TSGA10: variants seen among roughly 807,000 people sequenced by gnomAD.
The protein encoded by TSGA10 is testis specific 10, also known as testis-specific gene 10 protein.
Under a neutral mutation model 96.6 loss-of-function variants are expected in TSGA10, and 43 were observed. That is an observed-to-expected ratio of 0.44 (90% CI 0.35 to 0.57). The LOEUF (loss-of-function observed/expected upper bound fraction) is 0.57, where lower values mean the gene tolerates loss of function less well. Among genes scored for constraint, TSGA10 ranks in the 20% least tolerant of loss-of-function variants. The probability of loss-of-function intolerance (pLI) is 0.01; values close to 1 mark genes in which losing one functional copy is unlikely to be tolerated. For missense variants in TSGA10, 703 were observed against 834.4 expected (o/e 0.84, Z 1.94); for synonymous variants, 229 against 269.9 (o/e 0.85, Z 1.48).
intron 20 of TSGA10, among the ~76,000 whole-genome samples, chr2:99,009,016 T>A (rs1198037213): frequency 6.6e-6 from 1 of 152,144 alleles, no homozygotes. Flanking sequence ...GCATGGCTGA[T>A]GGGATGGAAG....
chr2:99,150,674 A>G (rs975513236), intron 1 of TSGA10: 12 of 1,613,990 alleles, frequency 7.4e-6, no homozygotes, highest in Non-Finnish European at 1.0e-5. Flanking sequence ...CCAGCGACTC[A>G]GTTATTTCAA....
intron 17 of TSGA10, among the ~76,000 whole-genome samples, chr2:99,020,842 T>C (rs1026010019): frequency 2.6e-5 from 4 of 151,854 alleles, no homozygotes; most frequent in African/African-American, 9.7e-5. Flanking sequence ...TACATGCTTA[T>C]AGAATGTCAT....
Position 99,104,123 on chromosome 2 carries a change from A to C in TSGA10, c.460-5T>G. On this transcript the variant is annotated splice_region_variant and splice_polypyrimidine_tract_variant and intron_variant, in intron 9 of 20. Transcript: ENST00000393483. ...CTCCATACGTTCATCATCAAGCTAT[A>C]CAAGTAGAATGACAAGGTTACTGCC... 1.2e-6 allele frequency: 2 copies of C among 1,613,152 alleles called. No homozygotes were observed. The highest frequency in any genetic ancestry group is 8.5e-7 in the Non-Finnish European group (1 of 1,179,720).
In TSGA10 at chr2:99,078,688, C is replaced by T. The variant is rs762300639; in HGVS notation, c.853G>A (p.Ala285Thr). 5 of 1,613,444 alleles carry T rather than the reference C, an allele frequency of 3.1e-6. No individual in the cohort carries two copies. The African/African-American group carries it at 6.7e-5, about 22-fold the overall frequency. The part of the protein sequence containing the change: ...ACLDKKSENI[A>T]SLGESLAMKE... ...ATTGCCAAACTCTCTCCAAGGGATG[C>T]AATATTCTCAGATTTTTTATCCAAA... The change falls in exon 12 of 21, where the codon GCA becomes ACA. Residue 285 changes from alanine (A) to threonine (T), a missense_variant. Ala to Thr is a moderately conservative substitution (Grantham distance 58). Coordinates refer to ENST00000393483, the MANE Select transcript of TSGA10 (RefSeq NM_025244.4).
intron 12 of TSGA10, among the ~76,000 whole-genome samples, chr2:99,076,586 T>C (rs1285028770): frequency 6.6e-6 from 1 of 151,972 alleles, no homozygotes; most frequent in Non-Finnish European, 1.5e-5. Context: ...TATATACATA[T>C]ATACACACAC....
intron 9 of TSGA10, 114 bp from the exon 10 acceptor site, chr2:99,104,232 A>G (rs1007022072): frequency 2.4e-6 from 3 of 1,253,922 alleles, no homozygotes; most frequent in Non-Finnish European, 3.3e-6. Flanking sequence ...ACAGGATGAG[A>G]TTATCAGGTT....
At chr2:99,073,250 C>A (rs2086195178) in intron 12 of TSGA10, among the ~76,000 whole-genome samples, 177 bp from the exon 13 acceptor site, 1 of 152,118 alleles carries the variant, frequency 6.6e-6, no homozygotes, top group Non-Finnish European at 1.5e-5. Context: ...AATATTTGCA[C>A]TGGGTAAAAA....
intron 1 of TSGA10, chr2:99,141,321 G>A: frequency 3.1e-6 from 1 of 324,264 alleles, no homozygotes; most frequent in Non-Finnish European, 5.5e-6. Flanking sequence ...GTGCCGCCGT[G>A]GCCCCGCCCT....
At position 99,119,853 on chromosome 2, in the gene TSGA10, C is replaced by T. The variant is rs535680133; in HGVS notation, c.-491-1167G>A. 3.9e-5 allele frequency among the ~76,000 whole-genome samples: 6 copies of T among 152,252 alleles called. No individual in the cohort carries two copies. In the East Asian group the frequency reaches 1.2e-3, roughly 29 times the overall value. On this transcript the variant is annotated intron_variant, in intron 2 of 20. Coordinates refer to ENST00000393483, the MANE Select transcript of TSGA10 (RefSeq NM_025244.4). ...TTATTTCAGCTACTTTCTTTTAAAACAAACAGACAAACTACAGGACGTGAA... is the reference window on the plus strand; with the variant it reads ...TTATTTCAGCTACTTTCTTTTAAAATAAACAGACAAACTACAGGACGTGAA...
chr2:99,034,548 C>T (rs2081442446), intron 17 of TSGA10, among the ~76,000 whole-genome samples: 1 of 152,162 alleles, frequency 6.6e-6, no homozygotes, highest in South Asian at 2.1e-4. Flanking sequence ...CACTTCCTCC[C>T]ATGCATGCTA....
chr2:99,121,782 A>T (rs543755754), intron 2 of TSGA10, among the ~76,000 whole-genome samples: 10 of 152,240 alleles, frequency 6.6e-5, no homozygotes, highest in South Asian at 2.1e-4. Context: ...TTCAATTTTG[A>T]TTAAGTCCAT....
chr2:99,071,707 T>C lies in TSGA10; in HGVS notation c.1106A>G (p.Gln369Arg). 2 of 1,610,562 alleles carry C rather than the reference T, an allele frequency of 1.2e-6. No homozygotes were observed. Among genetic ancestry groups the C allele is most frequent in the Non-Finnish European group, 8.5e-7 (1 of 1,178,620 alleles). The stretch of plus-strand genomic sequence containing the variant: ...AAATGATTCTAGGAACAAGTGTACC[T>C]GGTTTTCTTGTTTAGCTTTAGCAAA... Reference protein sequence around the residue: ...EQFAKAKQENQALSKKLNDTH... With the variant: ...EQFAKAKQENRALSKKLNDTH... Residue 369 changes from glutamine (Q) to arginine (R), a missense_variant and splice_region_variant, in exon 14 of 21, where the codon CAG (glutamine) becomes CGG (arginine). Transcript: ENST00000393483.
chr2:99,069,975 G>C (rs964595417), intron 14 of TSGA10, among the ~76,000 whole-genome samples: 6 of 151,938 alleles, frequency 3.9e-5, no homozygotes, highest in African/African-American at 1.4e-4. Context: ...TGGTATCAAG[G>C]ATAAATTTTT....
intron 1 of TSGA10, among the ~76,000 whole-genome samples, chr2:99,136,910 A>G (rs2105070928): frequency 6.6e-6 from 1 of 151,956 alleles, no homozygotes; most frequent in Middle Eastern, 3.4e-3. Flanking sequence ...AAGAACTATG[A>G]ACATATCCCT....
At chr2:99,127,026 A>G in intron 2 of TSGA10, 22 bp downstream of exon 2, 3 of 1,284,686 alleles carry the variant, frequency 2.3e-6, no homozygotes, top group Non-Finnish European at 2.0e-6. Context: ...AGTCAGGAAA[A>G]TATGTTGTAA....
intron 17 of TSGA10, among the ~76,000 whole-genome samples, chr2:99,024,820 T>C (rs2080409190): frequency 6.6e-6 from 1 of 152,176 alleles, no homozygotes; most frequent in Non-Finnish European, 1.5e-5. Context: ...AGTTTCTATT[T>C]CTAGTTTATA....
At chr2:99,074,068 G>C (rs1487250807) in intron 12 of TSGA10, among the ~76,000 whole-genome samples, 4 of 124,234 alleles carry the variant, frequency 3.2e-5, no homozygotes, top group Non-Finnish European at 6.4e-5. Context: ...GCTGGAGTGC[G>C]AGGGCGCGAT....
chr2:99,077,310 C>A (rs1175254870), intron 12 of TSGA10, among the ~76,000 whole-genome samples: 1 of 151,380 alleles, frequency 6.6e-6, no homozygotes, highest in African/African-American at 2.4e-5. Flanking sequence ...CCCTGCCTCA[C>A]CCTCAGTTTC....
chr2:99,046,635 T>A (rs929165103), intron 16 of TSGA10, among the ~76,000 whole-genome samples: 1 of 151,906 alleles, frequency 6.6e-6, no homozygotes, highest in African/African-American at 2.4e-5. Flanking sequence ...GATCTAAAAT[T>A]GACAAACTAA....
Sources: gnomAD v4.1 joint callset for allele counts (sites outside exome capture counted in the v4.1 genomes callset) on GRCh38, gnomAD v4.1.1 for gene constraint, MANE v1.5 for transcripts, NCBI Gene and HGNC (gene_info 2026-07-23, HGNC 2026-07-21) for gene names.